The following COMMD10 variants were observed in gnomAD, a reference collection of about 807,000 sequenced individuals.
COMMD10 encodes the protein COMM domain-containing protein 10.
A neutral mutation model predicts 28.9 loss-of-function variants in COMMD10; 33 were observed. The ratio of observed to expected loss-of-function variants is 1.14; its 90% CI spans 0.87 to 1.53. The LOEUF is 1.53. Among genes scored for constraint, COMMD10 ranks in the 40% most tolerant of loss-of-function variants. The pLI is 0.00. For synonymous variants in COMMD10, 110 were observed against 81.7 expected (o/e 1.35, Z -1.87); for missense variants, 310 against 233.4 (o/e 1.33, Z -2.14).
intron 5 of COMMD10, among the ~76,000 whole-genome samples, chr5:116,250,188 AT>A (rs34336331): frequency 0.38 from 57,757 of 151,468 alleles, 14,006 homozygotes; most frequent in African/African-American, 0.7. Context: ...AAAAAATTAC[AT>A]TTTTTATCTT....
chr5:116,135,469 A>T (rs184479517), intron 5 of COMMD10, among the ~76,000 whole-genome samples: 10 of 152,248 alleles, frequency 6.6e-5, no homozygotes, highest in Non-Finnish European at 1.3e-4. Context: ...ACACATTTTC[A>T]CTGGAACGTA....
At chr5:116,248,952 A>G (rs2112671469) in intron 5 of COMMD10, among the ~76,000 whole-genome samples, 1 of 152,112 alleles carries the variant, frequency 6.6e-6, no homozygotes, top group Non-Finnish European at 1.5e-5. Flanking sequence ...GATTTCTAAA[A>G]TCAAGTAATA....
chr5:116,129,197 A>T (rs138345410), intron 4 of COMMD10, among the ~76,000 whole-genome samples: 3 of 151,408 alleles, frequency 2.0e-5, no homozygotes, highest in Non-Finnish European at 4.4e-5. Flanking sequence ...TGCCATAATG[A>T]TGTAAGGAAG....
At chr5:116,136,868 T>C (rs79052039) in intron 5 of COMMD10, among the ~76,000 whole-genome samples, 2,033 of 152,264 alleles carry the variant, frequency 0.013, 45 homozygotes, top group African/African-American at 0.045. Flanking sequence ...ACATAAAAGA[T>C]ATTTCTCTTT....
intron 4 of COMMD10, among the ~76,000 whole-genome samples, chr5:116,123,078 A>G (rs1580464038): frequency 6.6e-6 from 1 of 152,152 alleles, no homozygotes; most frequent in African/African-American, 2.4e-5. Context: ...GAATGCTTCT[A>G]GTTTTTGCCC....
chr5:116,103,749 G>C (rs1419328633), intron 4 of COMMD10, among the ~76,000 whole-genome samples: 1 of 152,180 alleles, frequency 6.6e-6, no homozygotes, highest in East Asian at 1.9e-4. Context: ...CCTATGACCT[G>C]AATGGTATTG....
At position 116,165,591 on chromosome 5, in the gene COMMD10, G is replaced by GGT. The variant is rs34777604; in HGVS notation, c.510+31427_510+31428dup. On this transcript the variant is annotated intron_variant, in intron 5 of 6. Coordinates refer to ENST00000274458, the MANE Select transcript of COMMD10 (RefSeq NM_016144.4). ...TTGTCTTCACATGATCTTTCCTAAG[G>GGT]GTGTGTGTGTGTGTGGGTGTATCTG... Among the ~76,000 whole-genome samples the GGT allele has an allele frequency of 1.5e-4, 23 of 151,134 alleles. No individual in the cohort carries two copies. The East Asian group carries it at 1.8e-3, about 12-fold the overall frequency.
At chr5:116,124,292 G>A (rs1751539803) in intron 4 of COMMD10, among the ~76,000 whole-genome samples, 1 of 152,156 alleles carries the variant, frequency 6.6e-6, no homozygotes, top group African/African-American at 2.4e-5. Context: ...TGGATTCAAA[G>A]AACATCTTTA....
At chr5:116,248,402 C>A (rs1474953550) in intron 5 of COMMD10, among the ~76,000 whole-genome samples, 1 of 151,914 alleles carries the variant, frequency 6.6e-6, no homozygotes, top group East Asian at 1.9e-4. Flanking sequence ...AGCAGGTAAC[C>A]TGTTTGACAG....
chr5:116,160,412 T>C (rs1427850730), intron 5 of COMMD10, among the ~76,000 whole-genome samples: 1 of 152,198 alleles, frequency 6.6e-6, no homozygotes, highest in African/African-American at 2.4e-5. Flanking sequence ...AGCATCCTAA[T>C]ATCAGGTGCT....
chr5:116,177,027 G>A (rs1445487501), intron 5 of COMMD10, among the ~76,000 whole-genome samples: 1 of 152,158 alleles, frequency 6.6e-6, no homozygotes. Context: ...TGCTGGGCAA[G>A]CAGGAAACAA....
chr5:116,255,785 TGCTTAC>T lies in COMMD10; in HGVS notation c.511-35731_511-35726del, dbSNP rs1285140321. 1.3e-4 allele frequency: 20 copies of T among 151,360 alleles called. 1 individual carries two copies. Among genetic ancestry groups the T allele is most frequent in the African/African-American group, 4.4e-4 (18 of 41,112 alleles). 9.4% of individuals were successfully genotyped at this position (151,360 alleles called of 1,614,324 possible). On this transcript the variant is annotated intron_variant, in intron 5 of 6. Coordinates refer to ENST00000274458, the MANE Select transcript of COMMD10 (RefSeq NM_016144.4). ...AGGCAAAAAAGATACAACCCATGAG[TGCTTAC>T]TTTTTCGGGTTGTACCTTTTTTGCC...
chr5:116,085,158 G>T, intron 1 of COMMD10, 65 bp downstream of exon 1: 1 of 1,524,136 alleles, frequency 6.6e-7, no homozygotes, highest in Non-Finnish European at 8.9e-7. Flanking sequence ...GCTCGCACAA[G>T]GCTGTCCTTG....
At chr5:116,275,706 A>G (rs1750891324) in intron 5 of COMMD10, among the ~76,000 whole-genome samples, 1 of 151,726 alleles carries the variant, frequency 6.6e-6, no homozygotes, top group South Asian at 2.1e-4. Context: ...CTTAATTTGC[A>G]CTCAAAGTAA....
intron 5 of COMMD10, among the ~76,000 whole-genome samples, chr5:116,164,400 C>T (rs529049029): frequency 6.6e-6 from 1 of 152,278 alleles, no homozygotes; most frequent in Non-Finnish European, 1.5e-5. Context: ...CCCCTACCTC[C>T]AAATAAGTGG....
chr5:116,174,660 G>A (rs1753442424), intron 5 of COMMD10, among the ~76,000 whole-genome samples: 1 of 152,100 alleles, frequency 6.6e-6, no homozygotes, highest in Non-Finnish European at 1.5e-5. Context: ...GATACAAAGT[G>A]TGAGATAAAG....
intron 4 of COMMD10, among the ~76,000 whole-genome samples, chr5:116,123,797 G>A (rs531634671): frequency 6.6e-6 from 1 of 152,170 alleles, no homozygotes; most frequent in African/African-American, 2.4e-5. Context: ...TGTAGTCTTG[G>A]GAGGGTGTAT....
At chr5:116,283,439 C>T (rs570062156) in intron 5 of COMMD10, among the ~76,000 whole-genome samples, 31 of 151,618 alleles carry the variant, frequency 2.0e-4, no homozygotes, top group African/African-American at 7.3e-4. Flanking sequence ...CTCCACCTCC[C>T]GGGTTCAAGC....
intron 5 of COMMD10, among the ~76,000 whole-genome samples, chr5:116,256,006 C>G (rs192304291): frequency 9.9e-4 from 150 of 151,660 alleles, no homozygotes; most frequent in Non-Finnish European, 1.8e-3. Context: ...GCATATTGAG[C>G]TATTTTCGTA....
Sources: allele counts gnomAD v4.1 joint callset (sites outside exome capture counted in the v4.1 genomes callset), GRCh38; gene constraint gnomAD v4.1.1; transcripts MANE v1.5; gene names NCBI Gene and HGNC (gene_info 2026-07-23, HGNC 2026-07-21).